STK24: variants seen among roughly 807,000 people sequenced by gnomAD.
STK24 encodes serine/threonine-protein kinase 24.
A neutral mutation model predicts 55.6 loss-of-function variants in STK24; 21 were observed. That is an observed-to-expected ratio of 0.38 (90% CI 0.27 to 0.54). The LOEUF is 0.54. Ranked by LOEUF, STK24 falls within the 20% of genes least tolerant of loss-of-function variation. STK24 has a pLI of 0.79. For synonymous variants in STK24, 200 were observed against 215.2 expected, an observed-to-expected ratio of 0.93 and a Z score of 0.62; for missense variants, 383 against 538.4, an observed-to-expected ratio of 0.71 and a Z score of 2.86.
chr13:98,527,366 C>T (rs1896460375), intron 1 of STK24, among the ~76,000 whole-genome samples: 1 of 152,210 alleles, frequency 6.6e-6, no homozygotes, highest in Admixed American at 6.5e-5. Context: ...ATGGAGATGA[C>T]ATCTGATTCC....
In STK24 at chr13:98,535,357, C is replaced by CA. The variant is rs1276298673; in HGVS notation, c.43-15885dup. 3.0e-3 allele frequency among the ~76,000 whole-genome samples: 111 copies of CA among 37,084 alleles called. 1 individual carries two copies. The highest frequency in any genetic ancestry group is 5.2e-3 in the Admixed American group (18 of 3,478). The allele number at this position is 37,084 out of a possible 152,430, so 24.3% of individuals were successfully genotyped here. Reference sequence around the variant, plus strand: ...TGTCTCAAACAAACAAACAAACAAACAAACAAAAAAAAAATATATATATAT... The same window carrying CA: ...TGTCTCAAACAAACAAACAAACAAACAAAACAAAAAAAAAATATATATATAT... On this transcript the variant is annotated intron_variant, in intron 1 of 10. Coordinates refer to ENST00000539966, the MANE Select transcript of STK24 (RefSeq NM_001032296.4).
chr13:98,456,743 C>G, intron 10 of STK24: 2 of 355,670 alleles, frequency 5.6e-6, no homozygotes, highest in Non-Finnish European at 1.1e-5. Flanking sequence ...GGGAACACAC[C>G]TGCGCCCGCT....
At chr13:98,567,238 A>AT (rs1409340226) in intron 1 of STK24, among the ~76,000 whole-genome samples, 1 of 152,256 alleles carries the variant, frequency 6.6e-6, no homozygotes, top group Non-Finnish European at 1.5e-5. Context: ...GCAACATGCA[A>AT]TCTGCTAACA....
chr13:98,502,293 T>C (rs774091813), intron 2 of STK24, among the ~76,000 whole-genome samples: 1 of 151,952 alleles, frequency 6.6e-6, no homozygotes, highest in Non-Finnish European at 1.5e-5. Flanking sequence ...CTGGGTCCAG[T>C]AAACATAGGA....
chr13:98,482,276 C>A lies in STK24; in HGVS notation c.319G>T (p.Ala107Ser). 2 of 1,567,376 alleles carry A rather than the reference C, an allele frequency of 1.3e-6. No homozygotes were observed. Among genetic ancestry groups the A allele is most frequent in the Non-Finnish European group, 1.7e-6 (2 of 1,148,718 alleles). ...AACATAATACTTACTAGATCTAGTG[C>A]GGAGCCTCCACCAAGATATTCCATT... ...IIMEYLGGGS[A>S]LDLLEPGPLD... The change falls in exon 3 of 11, where the codon GCA (alanine) becomes TCA (serine). Residue 107 changes from alanine to serine, a missense_variant. Physicochemically the swap from Ala to Ser is moderately conservative, Grantham distance 99. Transcript: ENST00000539966.
chr13:98,466,652 C>T, intron 5 of STK24, 91 bp from the exon 6 acceptor site: 1 of 1,384,302 alleles, frequency 7.2e-7, no homozygotes, highest in Non-Finnish European at 9.7e-7. Context: ...TGTCTCAATA[C>T]TTCTGAGGTT....
At chr13:98,526,054 C>T (rs909072593) in intron 1 of STK24, among the ~76,000 whole-genome samples, 5 of 152,198 alleles carry the variant, frequency 3.3e-5, no homozygotes, top group South Asian at 2.1e-4. Flanking sequence ...GAAAGCTGAG[C>T]GGGTGAGGGA....
chr13:98,455,272 G>A (rs1459787675), intron 10 of STK24: 1 of 152,170 alleles, frequency 6.6e-6, no homozygotes, highest in Admixed American at 6.5e-5. Context: ...TTAGAGACAG[G>A]TTCTCACTCT....
chr13:98,523,844 G>C (rs1284089430), intron 1 of STK24, among the ~76,000 whole-genome samples: 1 of 152,216 alleles, frequency 6.6e-6, no homozygotes, highest in Non-Finnish European at 1.5e-5. Context: ...AGAAACTGAT[G>C]CTAGAAGCTG....
chr13:98,494,428 A>AAAAAAAAAAT (rs58955737), intron 2 of STK24, among the ~76,000 whole-genome samples: 1 of 148,884 alleles, frequency 6.7e-6, no homozygotes, highest in Non-Finnish European at 1.5e-5. Context: ...AAAAAAAAAA[A>AAAAAAAAAAT]GTGCCTCTAA....
At chr13:98,518,515 AC>A (rs1475817518) in intron 2 of STK24, among the ~76,000 whole-genome samples, 2 of 152,362 alleles carry the variant, frequency 1.3e-5, no homozygotes, top group African/African-American at 2.4e-5. Flanking sequence ...TTTAAAGGTT[AC>A]AACATTTTTA....
Position 98,446,003 on chromosome 13 carries a change from C to A in STK24, c.*7170G>T. 1 of 822,710 alleles carries A rather than the reference C, an allele frequency of 1.2e-6. No homozygotes were observed. 51.0% of individuals were successfully genotyped at this position (822,710 alleles called of 1,614,324 possible). A position where few individuals can be genotyped will look rare whatever the true frequency, so the allele number is the denominator to read the frequency against. On this transcript the variant is annotated 3_prime_UTR_variant, in exon 11 of 11. Coordinates refer to ENST00000539966, the MANE Select transcript of STK24 (RefSeq NM_001032296.4). ...CCCACATCCTTCAGTCACGGACATG[C>A]CCCAGCCCAGGGCCCTGGTGCAGGG...
At chr13:98,457,939 T>A (rs1893536906) in intron 9 of STK24, among the ~76,000 whole-genome samples, 1 of 152,218 alleles carries the variant, frequency 6.6e-6, no homozygotes, top group Non-Finnish European at 1.5e-5. Flanking sequence ...TGTGCTGTTT[T>A]CCTATTTCAA....
chr13:98,535,513 A>G (rs967214274), intron 1 of STK24, among the ~76,000 whole-genome samples: 5 of 152,174 alleles, frequency 3.3e-5, no homozygotes, highest in African/African-American at 1.2e-4. Flanking sequence ...CAAAATGCAA[A>G]CAAAAGCCAT....
intron 1 of STK24, among the ~76,000 whole-genome samples, chr13:98,541,526 G>A (rs1258824583): frequency 2.0e-5 from 3 of 152,238 alleles, no homozygotes; most frequent in Non-Finnish European, 4.4e-5. Context: ...CAGAAAGTGG[G>A]AGGGTTCAGG....
At chr13:98,500,475 A>G (rs1895410351) in intron 2 of STK24, among the ~76,000 whole-genome samples, 1 of 152,194 alleles carries the variant, frequency 6.6e-6, no homozygotes, top group Non-Finnish European at 1.5e-5. Context: ...AACCTCCCTT[A>G]GAGAGTCCCA....
At chr13:98,487,685 T>C (rs1000019651) in intron 2 of STK24, among the ~76,000 whole-genome samples, 47 of 152,354 alleles carry the variant, frequency 3.1e-4, no homozygotes, top group African/African-American at 1.1e-3. Flanking sequence ...GCAGTCCATA[T>C]GTAAAGGACT....
chr13:98,471,938 A>T (rs1894166876), intron 5 of STK24, among the ~76,000 whole-genome samples: 1 of 152,166 alleles, frequency 6.6e-6, no homozygotes, highest in African/African-American at 2.4e-5. Context: ...ACAGACTAGG[A>T]GGGGAAATGT....
intron 2 of STK24, among the ~76,000 whole-genome samples, chr13:98,488,166 C>G (rs1704121875): frequency 8.5e-6 from 1 of 117,372 alleles, no homozygotes; most frequent in Non-Finnish European, 1.9e-5. Flanking sequence ...TGAAGACACA[C>G]ACACACACAC....
Sources: allele counts gnomAD v4.1 joint callset (sites outside exome capture counted in the v4.1 genomes callset), GRCh38; gene constraint gnomAD v4.1.1; transcripts MANE v1.5; gene names NCBI Gene and HGNC (gene_info 2026-07-23, HGNC 2026-07-21).